Variants in C1orf21 observed in about 807,000 individuals in gnomAD.
C1orf21 encodes chromosome 1 open reading frame 21.
In C1orf21, 3 loss-of-function variants were observed where a neutral mutation model predicts 18.7. That is an observed-to-expected ratio of 0.16 (90% CI 0.07 to 0.42). The LOEUF (loss-of-function observed/expected upper bound fraction) is 0.42. Among genes scored for constraint, C1orf21 ranks in the 10% least tolerant of loss-of-function variants. C1orf21 has a pLI of 0.99. For missense variants in C1orf21, 104 were observed against 143.6 expected (o/e 0.72, Z 1.41); for synonymous variants, 41 against 46.4 (o/e 0.88, Z 0.47).
intron 3 of C1orf21, among the ~76,000 whole-genome samples, chr1:184,534,709 C>G (rs1006219434): frequency 6.6e-6 from 1 of 152,158 alleles, no homozygotes; most frequent in Non-Finnish European, 1.5e-5. Context: ...CGATCCCTCC[C>G]TTTGAGGTGC....
chr1:184,430,588 A>G (rs1656724074), intron 1 of C1orf21, among the ~76,000 whole-genome samples: 1 of 152,144 alleles, frequency 6.6e-6, no homozygotes, highest in African/African-American at 2.4e-5. Flanking sequence ...TTTGGGGCTT[A>G]ATTTTTCTTA....
intron 1 of C1orf21, among the ~76,000 whole-genome samples, chr1:184,390,049 A>G (rs1002589279): frequency 6.6e-6 from 1 of 152,208 alleles, no homozygotes; most frequent in Non-Finnish European, 1.5e-5. Flanking sequence ...CTAAAGGGTA[A>G]TCGTACAGTA....
chr1:184,418,377 T>A (rs1289681669), intron 1 of C1orf21, among the ~76,000 whole-genome samples: 1 of 152,112 alleles, frequency 6.6e-6, no homozygotes, highest in African/African-American at 2.4e-5. Flanking sequence ...GCCTGGCTAA[T>A]TTTTTTGTAT....
intron 3 of C1orf21, among the ~76,000 whole-genome samples, chr1:184,520,544 G>T (rs570779744): frequency 1.8e-4 from 27 of 152,274 alleles, no homozygotes; most frequent in African/African-American, 5.3e-4. Flanking sequence ...AGAGAACAGA[G>T]AATCTCATTC....
intron 1 of C1orf21, among the ~76,000 whole-genome samples, chr1:184,405,132 C>T (rs1236225039): frequency 1.3e-5 from 2 of 152,106 alleles, no homozygotes; most frequent in African/African-American, 2.4e-5. Context: ...GCAAATGAAA[C>T]GTTCCCTGGT....
intron 2 of C1orf21, among the ~76,000 whole-genome samples, chr1:184,488,081 A>C (rs575239280): frequency 6.6e-6 from 1 of 152,350 alleles, no homozygotes; most frequent in South Asian, 2.1e-4. Context: ...ATAATTCTCT[A>C]AACTTAAAAG....
intron 1 of C1orf21, chr1:184,412,018 G>T (rs1477920756): frequency 6.6e-6 from 1 of 152,188 alleles, no homozygotes; most frequent in Non-Finnish European, 1.5e-5. Context: ...TATTGCAGAA[G>T]TCCGGACAGC....
At chr1:184,444,263 T>C (rs12142338) in intron 1 of C1orf21, among the ~76,000 whole-genome samples, 10,931 of 152,274 alleles carry the variant, frequency 0.072, 564 homozygotes, top group African/African-American at 0.14. Flanking sequence ...ATGGTTTAGC[T>C]GTGTCCCCAC....
At chr1:184,394,722 T>A (rs1424007084) in intron 1 of C1orf21, among the ~76,000 whole-genome samples, 1 of 152,244 alleles carries the variant, frequency 6.6e-6, no homozygotes, top group Non-Finnish European at 1.5e-5. Flanking sequence ...CTCAAAGTTC[T>A]GCCAAAAGCA....
chr1:184,401,127 A>G (rs950328971), intron 1 of C1orf21, among the ~76,000 whole-genome samples: 2 of 152,088 alleles, frequency 1.3e-5, no homozygotes, highest in Non-Finnish European at 1.5e-5. Context: ...TCATGTGTCT[A>G]GGGGTTTGCA....
Position 184,598,359 on chromosome 1 carries a change from C to T in C1orf21, c.267-42C>T. The T allele has an allele frequency of 1.9e-6, 3 of 1,587,704 alleles. No homozygotes were observed. The African/African-American group carries it at 4.1e-5, about 21-fold the overall frequency. On this transcript the variant is annotated intron_variant, in intron 4 of 5. Coordinates refer to ENST00000235307, the MANE Select transcript of C1orf21 (RefSeq NM_030806.4). ...TTTCCTTTGAGGGGACCAGGTTTAG[C>T]AAAGCACTAAAATATGCACTTAACT...
At chr1:184,409,070 G>A (rs6688074) in intron 1 of C1orf21, among the ~76,000 whole-genome samples, 44,038 of 152,004 alleles carry the variant, frequency 0.29, 9,670 homozygotes, top group African/African-American at 0.62. Context: ...CAACACTTCC[G>A]TTTCCTATTC....
At chr1:184,446,308 C>G (rs1657029198) in intron 1 of C1orf21, among the ~76,000 whole-genome samples, 1 of 151,994 alleles carries the variant, frequency 6.6e-6, no homozygotes, top group South Asian at 2.1e-4. Context: ...TATTTTATTT[C>G]TATTCCTTTT....
In C1orf21 at chr1:184,509,994, G is replaced by A. The variant is rs146940936; in HGVS notation, c.189+2312G>A. ...CTCATAGTCCTGTTGTGAGTACTGCGTGAGATGATAGTCGTAAGACTGAGT... is the reference window on the plus strand; with the variant it reads ...CTCATAGTCCTGTTGTGAGTACTGCATGAGATGATAGTCGTAAGACTGAGT... On this transcript the variant is annotated intron_variant, in intron 3 of 5. Transcript: ENST00000235307. Among the ~76,000 whole-genome samples the A allele has an allele frequency of 3.2e-3, 489 of 152,294 alleles. 2 individuals carry two copies. Among genetic ancestry groups the A allele is most frequent in the Admixed American group, 6.7e-3 (102 of 15,294 alleles).
At chr1:184,469,374 G>A (rs1215128467) in intron 1 of C1orf21, among the ~76,000 whole-genome samples, 1 of 152,192 alleles carries the variant, frequency 6.6e-6, no homozygotes, top group African/African-American at 2.4e-5. Flanking sequence ...ACCAGCTTAA[G>A]GCTGAGATTA....
Position 184,410,639 on chromosome 1 carries a change from ATATATATATATATATATATATATAT to A in C1orf21, c.-125+23273_-125+23297del, listed in dbSNP as rs1245608653. On this transcript the variant is annotated intron_variant, in intron 1 of 5. Coordinates refer to ENST00000235307, the MANE Select transcript of C1orf21 (RefSeq NM_030806.4). ...ATATTATATATATATATATATATAT[ATATATATATATATATATATATATAT>A]TTTTTTTTTTTTTTTTTGAGATGGA... 4.3e-3 allele frequency among the ~76,000 whole-genome samples: 17 copies of A among 4,000 alleles called. 6 individuals are homozygous for A. Among genetic ancestry groups the A allele is most frequent in the Admixed American group, 0.028 (9 of 324 alleles). The allele number at this position is 4,000 out of a possible 152,430, so 2.6% of individuals were successfully genotyped here.
chr1:184,464,737 A>T (rs530739379), intron 1 of C1orf21, among the ~76,000 whole-genome samples: 1 of 152,222 alleles, frequency 6.6e-6, no homozygotes, highest in Non-Finnish European at 1.5e-5. Flanking sequence ...CTTAAGCAGA[A>T]ATGGAGAAGT....
intron 3 of C1orf21, among the ~76,000 whole-genome samples, chr1:184,583,069 C>T (rs1032031352): frequency 6.6e-6 from 1 of 152,156 alleles, no homozygotes; most frequent in Non-Finnish European, 1.5e-5. Flanking sequence ...AAACTCCTGA[C>T]CTCAGGTGAT....
At position 184,623,446 on chromosome 1, in the gene C1orf21, G is replaced by A. The variant is rs1659956573; in HGVS notation, c.*3890G>A. 6.6e-6 allele frequency: 1 copy of A among 152,098 alleles called. No individual in the cohort carries two copies. The highest frequency in any genetic ancestry group is 1.5e-5 in the Non-Finnish European group (1 of 68,016). The allele number at this position is 152,098 out of a possible 1,614,324, so 9.4% of individuals were successfully genotyped here. On this transcript the variant is annotated 3_prime_UTR_variant, in exon 6 of 6. Coordinates refer to ENST00000235307, the MANE Select transcript of C1orf21 (RefSeq NM_030806.4). The stretch of plus-strand genomic sequence containing the variant: ...CTGGAAGGCATTCTCAGAGCTTTAT[G>A]TCTTCGTACCTCTCAGAGATTGGAC...
Sources: gnomAD v4.1 joint callset for allele counts (sites outside exome capture counted in the v4.1 genomes callset) on GRCh38, gnomAD v4.1.1 for gene constraint, MANE v1.5 for transcripts, NCBI Gene and HGNC (gene_info 2026-07-23, HGNC 2026-07-21) for gene names.